The following BRINP3 variants were observed in gnomAD, a reference collection of about 807,000 sequenced individuals.
The protein encoded by BRINP3 is BMP/retinoic acid-inducible neural-specific protein 3.
Under a neutral mutation model 71.0 loss-of-function variants are expected in BRINP3, and 19 were observed. The observed-to-expected ratio is 0.27, with a 90% CI of 0.19 to 0.39. BRINP3 has a LOEUF of 0.39. Ranked by LOEUF, BRINP3 falls within the 10% of genes least tolerant of loss-of-function variation. BRINP3 has a pLI of 1.00. For synonymous variants in BRINP3, 380 were observed against 337.7 expected, an observed-to-expected ratio of 1.13 and a Z score of -1.37; for missense variants, 959 against 940.8, an observed-to-expected ratio of 1.02 and a Z score of -0.25.
chr1:190,190,746 C>G (rs867514951), intron 6 of BRINP3, among the ~76,000 whole-genome samples: 21 of 151,912 alleles, frequency 1.4e-4, no homozygotes, highest in Middle Eastern at 3.4e-3. Flanking sequence ...ATTGGGGTCT[C>G]TAAGATTAAA....
intron 2 of BRINP3, among the ~76,000 whole-genome samples, chr1:190,445,231 T>A (rs2102581229): frequency 6.6e-6 from 1 of 152,266 alleles, no homozygotes. Context: ...TTGGATAAAT[T>A]AAAATCTATT....
chr1:190,235,874 A>G (rs1658466958), intron 4 of BRINP3, among the ~76,000 whole-genome samples: 1 of 151,928 alleles, frequency 6.6e-6, no homozygotes, highest in African/African-American at 2.4e-5. Context: ...TGTACAATTT[A>G]CTCATTTGTT....
intron 2 of BRINP3, among the ~76,000 whole-genome samples, chr1:190,300,623 A>G (rs2102994265): frequency 6.6e-6 from 1 of 151,906 alleles, no homozygotes; most frequent in East Asian, 1.9e-4. Flanking sequence ...CTGACCTCTG[A>G]CCCCCGAGCA....
chr1:190,209,972 T>C (rs1335224872), intron 6 of BRINP3, among the ~76,000 whole-genome samples: 1 of 152,066 alleles, frequency 6.6e-6, no homozygotes, highest in Non-Finnish European at 1.5e-5. Flanking sequence ...TACTTGTTAG[T>C]TTGTCATTAT....
In BRINP3 at chr1:190,280,940, C is replaced by T. The variant is rs1344772796; in HGVS notation, c.427+620G>A. On this transcript the variant is annotated intron_variant, in intron 3 of 7. Transcript: ENST00000367462. Reference sequence around the variant, plus strand: ...TTTAAGTATATTCAAAATGCTGAATCACACATCACTATGAAAAAGCCATAT... The same window carrying T: ...TTTAAGTATATTCAAAATGCTGAATTACACATCACTATGAAAAAGCCATAT... 2.0e-5 allele frequency among the ~76,000 whole-genome samples: 3 copies of T among 151,804 alleles called. No homozygotes were observed. In the East Asian group the frequency reaches 5.8e-4, roughly 29 times the overall value.
chr1:190,112,386 A>T (rs1652770315), intron 7 of BRINP3, among the ~76,000 whole-genome samples: 1 of 152,188 alleles, frequency 6.6e-6, no homozygotes, highest in Admixed American at 6.5e-5. Context: ...ATGTCAAATA[A>T]TAATAAAATA....
intron 7 of BRINP3, among the ~76,000 whole-genome samples, chr1:190,159,647 T>G (rs563489677): frequency 1.1e-4 from 17 of 152,118 alleles, no homozygotes; most frequent in African/African-American, 4.1e-4. Context: ...AGACAAATAG[T>G]AGATTAGACA....
At chr1:190,445,390 G>C (rs1027978358) in intron 2 of BRINP3, among the ~76,000 whole-genome samples, 1 of 151,902 alleles carries the variant, frequency 6.6e-6, no homozygotes, top group African/African-American at 2.4e-5. Context: ...ATTTAAACTC[G>C]ATTAAAAAAT....
intron 2 of BRINP3, among the ~76,000 whole-genome samples, chr1:190,437,820 C>A (rs1272709205): frequency 6.6e-6 from 1 of 151,626 alleles, no homozygotes; most frequent in Non-Finnish European, 1.5e-5. Context: ...AATCCATTTA[C>A]TTTTATGTTA....
chr1:190,476,077 C>G (rs969040821), intron 1 of BRINP3: 1 of 151,686 alleles, frequency 6.6e-6, no homozygotes, highest in Non-Finnish European at 1.5e-5. Flanking sequence ...CGTTCCCTCT[C>G]GGTGGGAGTC....
intron 2 of BRINP3, among the ~76,000 whole-genome samples, chr1:190,283,895 C>A (rs1453567188): frequency 1.3e-5 from 2 of 151,632 alleles, no homozygotes; most frequent in Admixed American, 6.6e-5. Flanking sequence ...AATAGAGTAA[C>A]ATAACTTGAC....
In BRINP3 at chr1:190,226,163, T is replaced by C. The variant is rs755081300; in HGVS notation, c.880A>G (p.Met294Val). 6.2e-7 allele frequency: 1 copy of C among 1,612,584 alleles called. No individual in the cohort carries two copies. ...TTCTCTTCCATGGCTTGAATGTCCA[T>C]GGAGGGGCAGTTGCATTCTGGAAAT... ...PKFPECNCPS[M>V]DIQAMEENLL... The change falls in exon 6 of 8, where the codon ATG becomes GTG. Residue 294 changes from methionine (M) to valine (V), a missense_variant. Coordinates refer to ENST00000367462, the MANE Select transcript of BRINP3 (RefSeq NM_199051.3).
At chr1:190,323,541 C>T (rs912130723) in intron 2 of BRINP3, among the ~76,000 whole-genome samples, 6 of 149,848 alleles carry the variant, frequency 4.0e-5, no homozygotes, top group East Asian at 2.0e-4. Flanking sequence ...AGTTATCCAT[C>T]GGAACGAATA....
rs528070213 is a variant in BRINP3 at position 190,273,831 on chromosome 1, C to T, written c.427+7729G>A. Reference sequence around the variant, plus strand: ...AAAAATAATAGATAAAACAATGATACGAAGAATCCTACAGGTAAATCAACA... The same window carrying T: ...AAAAATAATAGATAAAACAATGATATGAAGAATCCTACAGGTAAATCAACA... On this transcript the variant is annotated intron_variant, in intron 3 of 7. Coordinates refer to ENST00000367462, the MANE Select transcript of BRINP3 (RefSeq NM_199051.3). 8.6e-5 allele frequency among the ~76,000 whole-genome samples: 13 copies of T among 151,588 alleles called. 1 individual carries two copies. The highest frequency in any genetic ancestry group is 6.2e-4 in the South Asian group (3 of 4,814).
chr1:190,415,752 A>C (rs550294117), intron 2 of BRINP3, among the ~76,000 whole-genome samples: 295 of 152,202 alleles, frequency 1.9e-3, no homozygotes, highest in Non-Finnish European at 3.2e-3. Context: ...ATTTTTTAAT[A>C]ATCAGCCAGG....
chr1:190,099,217 C>A, intron 7 of BRINP3, 83 bp from the exon 8 acceptor site: 1 of 1,361,382 alleles, frequency 7.3e-7, no homozygotes. Context: ...GAAATCTTTG[C>A]TATCATTTCT....
At position 190,203,461 on chromosome 1, in the gene BRINP3, ATGTG is replaced by A. The variant is rs35085261; in HGVS notation, c.961+22617_961+22620del. Among the ~76,000 whole-genome samples, 811 of 143,840 alleles carry A rather than the reference ATGTG, an allele frequency of 5.6e-3. 5 individuals are homozygous for A. Among genetic ancestry groups the A allele is most frequent in the African/African-American group, 0.02 (742 of 37,686 alleles). 94.4% of individuals were successfully genotyped at this position (143,840 alleles called of 152,430 possible). ...TATGTATGTGTGTGTGTATATATAT[ATGTG>A]TGTGTGTGTGTGTGTATATATATAT... is the stretch of plus-strand genomic sequence containing the variant. On this transcript the variant is annotated intron_variant, in intron 6 of 7. Coordinates refer to ENST00000367462, the MANE Select transcript of BRINP3 (RefSeq NM_199051.3).
chr1:190,297,779 CGTGTGTGT>C (rs58341057), intron 2 of BRINP3, among the ~76,000 whole-genome samples: 3 of 146,630 alleles, frequency 2.0e-5, no homozygotes, highest in Non-Finnish European at 4.5e-5. Context: ...TCTGTTTTCT[CGTGTGTGT>C]GTGTGTGTGT....
chr1:190,353,326 T>C (rs1668522846), intron 2 of BRINP3, among the ~76,000 whole-genome samples: 1 of 152,004 alleles, frequency 6.6e-6, no homozygotes, highest in South Asian at 2.1e-4. Context: ...AATAATGACA[T>C]TGTAAGCCAA....
Sources: allele counts gnomAD v4.1 joint callset (sites outside exome capture counted in the v4.1 genomes callset), GRCh38; gene constraint gnomAD v4.1.1; transcripts MANE v1.5; gene names NCBI Gene and HGNC (gene_info 2026-07-23, HGNC 2026-07-21).